The following LPAR3 variants were observed in gnomAD, a reference collection of about 807,000 sequenced individuals.
LPAR3 encodes the protein LPA receptor 3.
A neutral mutation model predicts 17.8 loss-of-function variants in LPAR3; 7 were observed. The ratio of observed to expected loss-of-function variants is 0.39; its 90% CI spans 0.22 to 0.74. LPAR3 has a LOEUF of 0.74. Ranked by LOEUF, LPAR3 falls within the 30% of genes least tolerant of loss-of-function variation. LPAR3 has a pLI of 0.40. For synonymous variants in LPAR3, 179 were observed against 179.9 expected (o/e 0.99, Z 0.04); for missense variants, 391 against 453.4 (o/e 0.86, Z 1.25).
chr1:84,865,974 A>C lies in LPAR3; in HGVS notation c.147T>G (p.Ser49=). Residue 49 remains serine, a synonymous_variant, in exon 2 of 3, where the codon TCT becomes TCG. Transcript: ENST00000370611. ...TTTTGATCACTGCCGCGATGACCAG[A>C]GAATTAGAAAAAAAAATAAACAGGC... The part of the protein sequence containing the change: ...FFCLFIFFSN[S]LVIAAVIKNR... 5.6e-6 allele frequency: 9 copies of C among 1,614,160 alleles called. No homozygotes were observed. Among genetic ancestry groups the C allele is most frequent in the Non-Finnish European group, 7.6e-6 (9 of 1,180,028 alleles).
intron 1 of LPAR3, among the ~76,000 whole-genome samples, chr1:84,880,913 C>A (rs1557609460): frequency 6.6e-6 from 1 of 152,132 alleles, no homozygotes. Flanking sequence ...AAGCATGGAC[C>A]AACCATGGAA....
At chr1:84,875,356 T>C (rs1023478447) in intron 1 of LPAR3, among the ~76,000 whole-genome samples, 1 of 152,212 alleles carries the variant, frequency 6.6e-6, no homozygotes, top group Non-Finnish European at 1.5e-5. Flanking sequence ...CCCCCCAGAG[T>C]TCATGTGTTG....
chr1:84,831,837 T>TATA (rs562910445), intron 2 of LPAR3, among the ~76,000 whole-genome samples: 166 of 149,230 alleles, frequency 1.1e-3, no homozygotes, highest in African/African-American at 4.0e-3. Context: ...GTATCATATA[T>TATA]ATATATATAA....
At chr1:84,836,726 C>A (rs1659412450) in intron 2 of LPAR3, among the ~76,000 whole-genome samples, 1 of 152,190 alleles carries the variant, frequency 6.6e-6, no homozygotes, top group Non-Finnish European at 1.5e-5. Flanking sequence ...TCAAATTTAA[C>A]AGTTATTTCT....
Position 84,865,468 on chromosome 1 carries a change from T to C in LPAR3, c.653A>G (p.Asn218Ser), listed in dbSNP as rs61742364. ...RIYVYVKRKT[N>S]VLSPHTSGSI... ...CCCACTTGTATGCGGAGACAAGACG[T>C]TGGTTTTCCTCTTGACGTACACGTA... is the stretch of plus-strand genomic sequence containing the variant. Residue 218 changes from asparagine to serine, a missense_variant, in exon 2 of 3, where the codon AAC becomes AGC. By Grantham distance (46) the Asn-to-Ser change is conservative. Transcript: ENST00000370611. The C allele has an allele frequency of 2.0e-5, 32 of 1,614,114 alleles. No individual in the cohort carries two copies. In the South Asian group the frequency reaches 3.3e-4, roughly 17 times the overall value.
At chr1:84,845,202 G>A (rs1453083888) in intron 2 of LPAR3, among the ~76,000 whole-genome samples, 4 of 152,082 alleles carry the variant, frequency 2.6e-5, no homozygotes, top group Non-Finnish European at 5.9e-5. Flanking sequence ...AAATCAATGG[G>A]AAGAACATTG....
intron 2 of LPAR3, among the ~76,000 whole-genome samples, chr1:84,830,296 G>A (rs1236804866): frequency 1.3e-5 from 2 of 152,116 alleles, no homozygotes; most frequent in African/African-American, 4.8e-5. Context: ...CCCCATTCCA[G>A]TTAATTAGAT....
chr1:84,861,423 C>CCT (rs140181353), intron 2 of LPAR3, among the ~76,000 whole-genome samples: 5 of 151,660 alleles, frequency 3.3e-5, no homozygotes, highest in African/African-American at 9.7e-5. Flanking sequence ...TCTCTCTCTC[C>CCT]CTCTCTCTCT....
At chr1:84,841,049 C>T (rs1438495613) in intron 2 of LPAR3, among the ~76,000 whole-genome samples, 1 of 152,208 alleles carries the variant, frequency 6.6e-6, no homozygotes, top group East Asian at 1.9e-4. Flanking sequence ...CTGGAATTTC[C>T]TTGTGAAACA....
chr1:84,814,123 T>C lies in LPAR3; in HGVS notation c.785A>G (p.Asp262Gly), dbSNP rs2102742202. The C allele has an allele frequency of 6.2e-7, 1 of 1,614,080 alleles. No homozygotes were observed. Among genetic ancestry groups the C allele is most frequent in the Non-Finnish European group, 8.5e-7 (1 of 1,180,004 alleles). ...WTPGLVVLLL[D>G]GLNCRQCGVQ... ...GCCACACTGCCTGCAGTTCAGGCCG[T>C]CGAGGAGCAGAACCACCAGGCCCGG... The change falls in exon 3 of 3, where the codon GAC becomes GGC. Residue 262 changes from aspartate to glycine, a missense_variant. Asp to Gly is a moderately conservative substitution (Grantham distance 94). Transcript: ENST00000370611.
chr1:84,891,344 T>C (rs1660548929), intron 1 of LPAR3, among the ~76,000 whole-genome samples: 1 of 152,068 alleles, frequency 6.6e-6, no homozygotes, highest in African/African-American at 2.4e-5. Flanking sequence ...GTCCAAATAG[T>C]TAGACGTCCA....
intron 2 of LPAR3, among the ~76,000 whole-genome samples, chr1:84,831,801 G>T (rs1347661698): frequency 2.7e-5 from 4 of 149,862 alleles, no homozygotes; most frequent in African/African-American, 9.8e-5. Context: ...CCAGCCACCT[G>T]TGATAACAGT....
chr1:84,884,192 G>T (rs1182333991), intron 1 of LPAR3, among the ~76,000 whole-genome samples: 1 of 152,192 alleles, frequency 6.6e-6, no homozygotes, highest in Non-Finnish European at 1.5e-5. Context: ...TATCAGTTTA[G>T]ACTGTGAGGT....
intron 1 of LPAR3, among the ~76,000 whole-genome samples, chr1:84,876,227 G>T (rs1660255161): frequency 6.6e-6 from 1 of 152,118 alleles, no homozygotes; most frequent in African/African-American, 2.4e-5. Flanking sequence ...CCCGTGTTCT[G>T]TCTGGTAGTA....
At position 84,812,350 on chromosome 1, in the gene LPAR3, G is replaced by C. The variant is rs1380295480; in HGVS notation, c.*1496C>G. The C allele has an allele frequency of 6.6e-6, 1 of 150,998 alleles. No individual in the cohort carries two copies. Among genetic ancestry groups the C allele is most frequent in the East Asian group, 1.9e-4 (1 of 5,148 alleles). 9.4% of individuals were successfully genotyped at this position (150,998 alleles called of 1,614,324 possible). A position where few individuals can be genotyped will look rare whatever the true frequency, so the allele number is the denominator to read the frequency against. On this transcript the variant is annotated 3_prime_UTR_variant, in exon 3 of 3. Coordinates refer to ENST00000370611, the MANE Select transcript of LPAR3 (RefSeq NM_012152.3). ...TGGCCCGTGAATTGATTTCACCTTCGCTGTCCTTCGAGTTTTTAAATGCAA... is the reference window on the plus strand; with the variant it reads ...TGGCCCGTGAATTGATTTCACCTTCCCTGTCCTTCGAGTTTTTAAATGCAA...
At chr1:84,826,497 A>G (rs1659159864) in intron 2 of LPAR3, among the ~76,000 whole-genome samples, 1 of 152,106 alleles carries the variant, frequency 6.6e-6, no homozygotes, top group African/African-American at 2.4e-5. Flanking sequence ...TATATCTAGG[A>G]ATTTTATAAT....
intron 2 of LPAR3, among the ~76,000 whole-genome samples, chr1:84,818,092 T>C (rs1240535193): frequency 6.6e-6 from 1 of 152,208 alleles, no homozygotes; most frequent in Admixed American, 6.5e-5. Context: ...CTCTGTGCTG[T>C]AGTTACCTCA....
At chr1:84,868,386 A>G (rs1157136158) in intron 1 of LPAR3, among the ~76,000 whole-genome samples, 1 of 152,194 alleles carries the variant, frequency 6.6e-6, no homozygotes, top group Admixed American at 6.5e-5. Context: ...CTGAGATTAC[A>G]AGCATGAGCC....
intron 2 of LPAR3, among the ~76,000 whole-genome samples, chr1:84,835,797 T>A (rs1272943606): frequency 6.6e-6 from 1 of 152,134 alleles, no homozygotes; most frequent in South Asian, 2.1e-4. Context: ...TATTGATGAA[T>A]CTCCTAACTG....
Sources: gnomAD v4.1 joint callset for allele counts (sites outside exome capture counted in the v4.1 genomes callset) on GRCh38, gnomAD v4.1.1 for gene constraint, MANE v1.5 for transcripts, NCBI Gene and HGNC (gene_info 2026-07-23, HGNC 2026-07-21) for gene names.